The following LRP11 variants were observed in gnomAD, a reference collection of about 807,000 sequenced individuals.
The protein encoded by LRP11 is LDL receptor related protein 11, also known as low-density lipoprotein receptor-related protein 11.
A neutral mutation model predicts 43.1 loss-of-function variants in LRP11; 25 were observed. The observed-to-expected ratio is 0.58, with a 90% CI of 0.42 to 0.81. LRP11 has a LOEUF of 0.81. Among genes scored for constraint, LRP11 ranks in the 30% least tolerant of loss-of-function variants. The pLI is 0.00. For synonymous variants in LRP11, 316 were observed against 299.4 expected (o/e 1.06, Z -0.57); for missense variants, 623 against 665.1 (o/e 0.94, Z 0.70).
chr6:149,864,309 T>G lies in LRP11; in HGVS notation c.-289A>C. The G allele has an allele frequency of 1.9e-6, 2 of 1,033,080 alleles. No homozygotes were observed. Among genetic ancestry groups the G allele is most frequent in the Non-Finnish European group, 2.3e-6 (2 of 861,958 alleles). 64.0% of individuals were successfully genotyped at this position (1,033,080 alleles called of 1,614,324 possible). A position where few individuals can be genotyped will look rare whatever the true frequency, so the allele number is the denominator to read the frequency against. Reference sequence around the variant, plus strand: ...CCGCCCCGGCCTGCGGCGCGCTGGGTGGCGACGAGTCGGCCTCGGCGTTGA... The same window carrying G: ...CCGCCCCGGCCTGCGGCGCGCTGGGGGGCGACGAGTCGGCCTCGGCGTTGA... On this transcript the variant is annotated 5_prime_UTR_variant, in exon 1 of 7. Coordinates refer to ENST00000239367, the MANE Select transcript of LRP11 (RefSeq NM_032832.6).
chr6:149,853,107 G>A lies in LRP11; in HGVS notation c.667C>T (p.Pro223Ser), dbSNP rs747612950. 5.0e-6 allele frequency: 8 copies of A among 1,612,226 alleles called. No individual in the cohort carries two copies. In the Admixed American group the frequency reaches 8.4e-5, roughly 17 times the overall value. Residue 223 changes from proline to serine, a missense_variant, in exon 2 of 7, where the codon CCC becomes TCC. Transcript: ENST00000239367. ...CCGTCTAGAACCACCCCGTCTGTGGGCAGATGCAGAACCACATCCTGCCCA... is the reference window on the plus strand; with the variant it reads ...CCGTCTAGAACCACCCCGTCTGTGGACAGATGCAGAACCACATCCTGCCCA... ...KAGQDVVLHL[P>S]TDGVVLDGRE...
chr6:149,830,594 T>G (rs1776396355), intron 5 of LRP11, among the ~76,000 whole-genome samples: 1 of 152,222 alleles, frequency 6.6e-6, no homozygotes, highest in African/African-American at 2.4e-5. Flanking sequence ...GTAGAGAAAT[T>G]GGCTAACTGT....
At chr6:149,829,517 C>T (rs982492036) in intron 5 of LRP11, among the ~76,000 whole-genome samples, 9 of 151,520 alleles carry the variant, frequency 5.9e-5, no homozygotes, top group Non-Finnish European at 1.0e-4. Context: ...CCCCAGACAG[C>T]GCCACTGCAT....
In LRP11 at chr6:149,853,007, A is replaced by ATGTCCAC; in HGVS notation, c.760_766dup (p.Met256SerfsTer37). ...AGCAGTGACAACATGCGTTACCTTC[A>ATGTCCAC]TGTCCACTGACGGGTCCCCCTGCAG... On this transcript the variant is annotated frameshift_variant, in exon 2 of 7. Coordinates refer to ENST00000239367, the MANE Select transcript of LRP11 (RefSeq NM_032832.6). LOFTEE classifies it high-confidence loss of function. 6.3e-7 allele frequency: 1 copy of ATGTCCAC among 1,589,852 alleles called. No individual in the cohort carries two copies. Among genetic ancestry groups the ATGTCCAC allele is most frequent in the Non-Finnish European group, 8.5e-7 (1 of 1,171,088 alleles).
At chr6:149,859,396 A>ATATATATATTTTTTT in intron 1 of LRP11, among the ~76,000 whole-genome samples, 4 of 71,496 alleles carry the variant, frequency 5.6e-5, no homozygotes, top group African/African-American at 2.5e-4. Context: ...ATATATATAT[A>ATATATATATTTTTTT]TTTTTTTTTT....
chr6:149,831,207 C>A (rs544216903), intron 5 of LRP11, among the ~76,000 whole-genome samples: 1 of 152,230 alleles, frequency 6.6e-6, no homozygotes, highest in Admixed American at 6.5e-5. Context: ...GAATTGGCAG[C>A]TGGATGGAAG....
rs1650859816 is a variant in LRP11, at chr6:149,863,926, A to T, written c.95T>A (p.Leu32Gln). ...LRGLLLLCLW[L>Q]PSGRAALPPA... ...CGGCAAGGCCGCACGGCCGCTTGGC[A>T]GCCACAGGCAGAGCAGTAGCAGCCC... is the stretch of plus-strand genomic sequence containing the variant. Residue 32 changes from leucine (L) to glutamine (Q), a missense_variant, in exon 1 of 7, where the codon CTG (leucine) becomes CAG (glutamine). Leu to Gln is a moderately radical substitution (Grantham distance 113). Coordinates refer to ENST00000239367, the MANE Select transcript of LRP11 (RefSeq NM_032832.6). 6.8e-7 allele frequency: 1 copy of T among 1,477,198 alleles called. No homozygotes were observed. Among genetic ancestry groups the T allele is most frequent in the Admixed American group, 2.3e-5 (1 of 42,820 alleles). The allele number at this position is 1,477,198 out of a possible 1,614,324, so 91.5% of individuals were successfully genotyped here. A position where few individuals can be genotyped will look rare whatever the true frequency, so the allele number is the denominator to read the frequency against.
intron 1 of LRP11, among the ~76,000 whole-genome samples, chr6:149,861,938 C>A (rs964395542): frequency 2.6e-5 from 4 of 152,206 alleles, no homozygotes; most frequent in African/African-American, 4.8e-5. Context: ...ATGTCAGTTT[C>A]TTCCAGGTAA....
intron 2 of LRP11, among the ~76,000 whole-genome samples, chr6:149,848,301 G>T (rs570417115): frequency 5.8e-4 from 88 of 152,308 alleles, no homozygotes; most frequent in African/African-American, 2.0e-3. Flanking sequence ...GAAAAGTGGT[G>T]TACTGTGGAA....
intron 2 of LRP11, among the ~76,000 whole-genome samples, chr6:149,846,958 G>T (rs868717429): frequency 1.7e-4 from 15 of 87,542 alleles, no homozygotes; most frequent in East Asian, 8.0e-4. Context: ...TAAAATAATA[G>T]AATAGAATAG....
In LRP11 at chr6:149,857,832, G is replaced by C. The variant is rs1776824423; in HGVS notation, c.614-4672C>G. 2.0e-5 allele frequency among the ~76,000 whole-genome samples: 3 copies of C among 152,236 alleles called. No homozygotes were observed. In the South Asian group the frequency reaches 6.2e-4, roughly 32 times the overall value. On this transcript the variant is annotated intron_variant, in intron 1 of 6. Transcript: ENST00000239367. ...GCAATTCCCCTGTCTTGATAAATCA[G>C]CTCTGTGTAGGCAGTGGGCAAGGAG...
intron 5 of LRP11, among the ~76,000 whole-genome samples, chr6:149,830,509 C>T (rs1562437549): frequency 6.6e-6 from 1 of 152,184 alleles, no homozygotes; most frequent in Admixed American, 6.5e-5. Flanking sequence ...TATTTATTTA[C>T]TCATACCCAG....
At position 149,864,321 on chromosome 6, in the gene LRP11, G is replaced by C; in HGVS notation, c.-301C>G. On this transcript the variant is annotated 5_prime_UTR_variant, in exon 1 of 7. Coordinates refer to ENST00000239367, the MANE Select transcript of LRP11 (RefSeq NM_032832.6). ...GCGGCGCGCTGGGTGGCGACGAGTC[G>C]GCCTCGGCGTTGATCAGCACCAGGT... 4.9e-6 allele frequency: 5 copies of C among 1,023,802 alleles called. No homozygotes were observed. Among genetic ancestry groups the C allele is most frequent in the African/African-American group, 1.7e-5 (1 of 58,366 alleles). 63.4% of individuals were successfully genotyped at this position (1,023,802 alleles called of 1,614,324 possible). A position where few individuals can be genotyped will look rare whatever the true frequency, so the allele number is the denominator to read the frequency against.
chr6:149,861,553 G>A (rs1275105969), intron 1 of LRP11, among the ~76,000 whole-genome samples: 1 of 152,154 alleles, frequency 6.6e-6, no homozygotes, highest in Non-Finnish European at 1.5e-5. Flanking sequence ...TCCCTCTGTT[G>A]CCCAGGCTGG....
chr6:149,836,403 A>G (rs2115384184), intron 4 of LRP11, 106 bp from the exon 5 acceptor site: 2 of 922,570 alleles, frequency 2.2e-6, no homozygotes, highest in Non-Finnish European at 3.4e-6. Context: ...ATTTGGATGT[A>G]ACAGCCCACT....
rs1444811974 is a variant in LRP11, at chr6:149,853,148, G to A, written c.626C>T (p.Pro209Leu). The stretch of plus-strand genomic sequence containing the variant: ...ATCCTGCCCAGCCTTGCTAAGTGGA[G>A]GCGCATCCTTTTCTGAGAAAGAAAA... ...RASPRQEKDA[P>L]PLSKAGQDVV... The change falls in exon 2 of 7, where the codon CCT becomes CTT. Residue 209 changes from proline to leucine, a missense_variant. Physicochemically the swap from Pro to Leu is moderately conservative, Grantham distance 98. Coordinates refer to ENST00000239367, the MANE Select transcript of LRP11 (RefSeq NM_032832.6). The A allele has an allele frequency of 1.3e-6, 2 of 1,570,046 alleles. No individual in the cohort carries two copies. The highest frequency in any genetic ancestry group is 1.7e-6 in the Non-Finnish European group (2 of 1,163,108).
intron 5 of LRP11, among the ~76,000 whole-genome samples, chr6:149,833,169 C>T (rs1776431279): frequency 6.6e-6 from 1 of 152,132 alleles, no homozygotes; most frequent in Non-Finnish European, 1.5e-5. Context: ...GATCTCCTGA[C>T]CTCATGATCC....
At chr6:149,856,591 C>CA (rs1205159734) in intron 1 of LRP11, among the ~76,000 whole-genome samples, 6 of 152,008 alleles carry the variant, frequency 3.9e-5, no homozygotes, top group Admixed American at 2.0e-4. Context: ...GAATTTTTGT[C>CA]AAAAAAATGT....
intron 1 of LRP11, among the ~76,000 whole-genome samples, chr6:149,854,118 T>C (rs1776763780): frequency 6.6e-6 from 1 of 152,150 alleles, no homozygotes; most frequent in Non-Finnish European, 1.5e-5. Context: ...AATCTGTATT[T>C]ACCTTTGTTT....
Sources: gnomAD v4.1 joint callset for allele counts (sites outside exome capture counted in the v4.1 genomes callset) on GRCh38, gnomAD v4.1.1 for gene constraint, MANE v1.5 for transcripts, NCBI Gene and HGNC (gene_info 2026-07-23, HGNC 2026-07-21) for gene names.